PACRGL: variants seen among roughly 807,000 people sequenced by gnomAD.
The protein encoded by PACRGL is PACRG-like protein.
Under a neutral mutation model 34.5 loss-of-function variants are expected in PACRGL, and 38 were observed. That is an observed-to-expected ratio of 1.10 (90% CI 0.85 to 1.44). PACRGL has a LOEUF of 1.44. Ranked by LOEUF, PACRGL falls within the 40% of genes most tolerant of loss-of-function variation. PACRGL has a pLI of 0.00. For synonymous variants in PACRGL, 128 were observed against 100.1 expected, an observed-to-expected ratio of 1.28 and a Z score of -1.66; for missense variants, 305 against 281.4, an observed-to-expected ratio of 1.08 and a Z score of -0.60.
chr4:20,704,703 C>G lies in PACRGL; in HGVS notation c.96C>G (p.His32Gln), dbSNP rs149353387. Residue 32 changes from histidine to glutamine, a missense_variant, in exon 3 of 9, where the codon CAC becomes CAG. Coordinates refer to ENST00000503585, the MANE Select transcript of PACRGL (RefSeq NM_001258345.3). Reference sequence around the variant, plus strand: ...CATCATCAAGCACACAGTTAAAACACAGGAATGCAGTTCAGGGAAGCAAAT... The same window carrying G: ...CATCATCAAGCACACAGTTAAAACAGAGGAATGCAGTTCAGGGAAGCAAAT... ...QRTSSSTQLKHRNAVQGSKSS... is the reference protein window; with the variant it reads ...QRTSSSTQLKQRNAVQGSKSS... The G allele has an allele frequency of 6.2e-7, 1 of 1,613,974 alleles. No individual in the cohort carries two copies. Among genetic ancestry groups the G allele is most frequent in the Non-Finnish European group, 8.5e-7 (1 of 1,179,982 alleles).
At chr4:20,763,213 A>G in the PACRGL span, among the ~76,000 whole-genome samples, 2 of 152,342 alleles carry the variant, frequency 1.3e-5, no homozygotes, top group Middle Eastern at 6.8e-3. Context: ...ATGAGCATTT[A>G]CTTTGAATGC....
At chr4:20,754,587 ATTC>A (rs1055125951), downstream of PACRGL, among the ~76,000 whole-genome samples, 1 of 152,226 alleles carries the variant, frequency 6.6e-6, no homozygotes, top group African/African-American at 2.4e-5. Flanking sequence ...GCAAATCATA[ATTC>A]TTTAAAATAT....
chr4:20,750,504 G>A (rs1381170534), intron 8 of PACRGL, among the ~76,000 whole-genome samples: 1 of 152,162 alleles, frequency 6.6e-6, no homozygotes. Context: ...TGATGGACAG[G>A]TATGTCTTCT....
At chr4:20,759,664 C>G in the PACRGL span, among the ~76,000 whole-genome samples, 1 of 152,024 alleles carries the variant, frequency 6.6e-6, no homozygotes, top group African/African-American at 2.4e-5. Context: ...AAAAAAGAAA[C>G]TTTAAAGTGT....
chr4:20,724,370 A>G (rs1255265219), intron 7 of PACRGL, among the ~76,000 whole-genome samples: 2 of 152,154 alleles, frequency 1.3e-5, no homozygotes, highest in Non-Finnish European at 2.9e-5. Flanking sequence ...GAAGAAAGCA[A>G]CTGGAAGACT....
At chr4:20,716,364 T>A (rs1286600295) in intron 7 of PACRGL, 3 of 585,072 alleles carry the variant, frequency 5.1e-6, no homozygotes, top group Non-Finnish European at 9.0e-6. Flanking sequence ...TTGTTTTAAT[T>A]ATACTTTAAG....
intron 8 of PACRGL, among the ~76,000 whole-genome samples, chr4:20,743,021 C>G (rs887027401): frequency 1.0e-5 from 1 of 99,096 alleles, no homozygotes; most frequent in African/African-American, 4.9e-5. Flanking sequence ...TGTGAAGGAC[C>G]CTTATAAGGG....
rs1746375194 is a variant in PACRGL at position 20,727,779 on chromosome 4, C to A, written c.*438C>A. On this transcript the variant is annotated 3_prime_UTR_variant, in exon 9 of 9. Coordinates refer to ENST00000503585, the MANE Select transcript of PACRGL (RefSeq NM_001258345.3). The stretch of plus-strand genomic sequence containing the variant: ...AATAGTGGACAAATGTTTGTGAATA[C>A]ACTTTTAAAAAATTGTTTTAAAAGA... 6.4e-6 allele frequency: 1 copy of A among 155,322 alleles called. No individual in the cohort carries two copies. The highest frequency in any genetic ancestry group is 2.0e-4 in the South Asian group (1 of 5,062). 9.6% of individuals were successfully genotyped at this position (155,322 alleles called of 1,614,324 possible).
chr4:20,733,788 C>G (rs1289022617), downstream of PACRGL, among the ~76,000 whole-genome samples: 1 of 152,182 alleles, frequency 6.6e-6, no homozygotes, highest in Non-Finnish European at 1.5e-5. Context: ...TTGGCACCCA[C>G]TAGTGATACC....
chr4:20,718,572 C>T (rs1024901095), intron 7 of PACRGL, among the ~76,000 whole-genome samples: 2 of 152,206 alleles, frequency 1.3e-5, no homozygotes, highest in African/African-American at 4.8e-5. Context: ...TCCTTTTCTG[C>T]ATCTATCGAG....
intron 8 of PACRGL, among the ~76,000 whole-genome samples, chr4:20,745,214 AT>A (rs57544923): frequency 0.11 from 17,134 of 151,064 alleles, 1,130 homozygotes; most frequent in South Asian, 0.19. Flanking sequence ...TGAAATTACC[AT>A]TTTTTTTTGT....
chr4:20,702,208 C>T (rs1181071434), intron 1 of PACRGL: 2 of 456,520 alleles, frequency 4.4e-6, no homozygotes, highest in African/African-American at 2.0e-5. Flanking sequence ...CCATCCAAAA[C>T]TTCCACTGAA....
chr4:20,743,842 A>C (rs375022473), intron 8 of PACRGL, among the ~76,000 whole-genome samples: 38 of 152,244 alleles, frequency 2.5e-4, no homozygotes, highest in East Asian at 2.3e-3. Context: ...CAACCTACAA[A>C]ATGGGAGAAA....
At position 20,728,991 on chromosome 4, in the gene PACRGL, T is replaced by TCTA. The variant is rs1746942935; in HGVS notation, c.*1654_*1656dup. On this transcript the variant is annotated 3_prime_UTR_variant, in exon 9 of 9. Transcript: ENST00000503585. ...TGGATTAGTTGTTGAGCACTTATTT[T>TCTA]CTACTAAATCTTGGTAGTAGTTGTC... The TCTA allele has an allele frequency of 6.6e-6, 1 of 152,260 alleles. No individual in the cohort carries two copies. The highest frequency in any genetic ancestry group is 2.4e-5 in the African/African-American group (1 of 41,450). The allele number at this position is 152,260 out of a possible 1,614,324, so 9.4% of individuals were successfully genotyped here.
the PACRGL span, among the ~76,000 whole-genome samples, chr4:20,759,082 G>A: frequency 1.2e-3 from 184 of 152,106 alleles, 1 homozygote; most frequent in African/African-American, 4.1e-3. Context: ...AAAAAAAAAC[G>A]TAGATGTAAA....
intron 8 of PACRGL, among the ~76,000 whole-genome samples, chr4:20,742,142 C>CA (rs990508145): frequency 1.3e-5 from 2 of 152,118 alleles, no homozygotes; most frequent in Admixed American, 1.3e-4. Context: ...ACCAGAGGTA[C>CA]AAAGAGGAGC....
intron 8 of PACRGL, among the ~76,000 whole-genome samples, chr4:20,744,791 A>T (rs1752052688): frequency 6.6e-6 from 1 of 152,116 alleles, no homozygotes; most frequent in African/African-American, 2.4e-5. Flanking sequence ...TAAAATAAAA[A>T]TAAAGATAGC....
At chr4:20,733,994 G>A (rs1268322421), downstream of PACRGL, among the ~76,000 whole-genome samples, 1 of 152,160 alleles carries the variant, frequency 6.6e-6, no homozygotes, top group Non-Finnish European at 1.5e-5. Context: ...GAAGTCTCGT[G>A]AGGCAAAGAG....
intron 1 of PACRGL, chr4:20,701,550 C>G (rs2149026613): frequency 4.5e-6 from 1 of 221,548 alleles, no homozygotes; most frequent in East Asian, 9.9e-5. Flanking sequence ...CCCCTTTACA[C>G]CATCCTCTAC....
Sources: gnomAD v4.1 joint callset for allele counts (sites outside exome capture counted in the v4.1 genomes callset) on GRCh38, gnomAD v4.1.1 for gene constraint, MANE v1.5 for transcripts, NCBI Gene and HGNC (gene_info 2026-07-23, HGNC 2026-07-21) for gene names.